The following EXT1 variants were observed in gnomAD, a reference collection of about 807,000 sequenced individuals.
EXT1 encodes the protein exostosin glycosyltransferase 1.
Under a neutral mutation model 82.5 loss-of-function variants are expected in EXT1, and 20 were observed. The observed-to-expected ratio is 0.24, with a 90% CI of 0.17 to 0.35. EXT1 has a LOEUF of 0.35. Among genes scored for constraint, EXT1 ranks in the 10% least tolerant of loss-of-function variants. The pLI is 1.00. For synonymous variants in EXT1, 348 were observed against 350.8 expected (o/e 0.99, Z 0.09); for missense variants, 757 against 936.5 (o/e 0.81, Z 2.50).
At chr8:117,856,275 G>A (rs1352468432) in intron 1 of EXT1, among the ~76,000 whole-genome samples, 1 of 150,424 alleles carries the variant, frequency 6.6e-6, no homozygotes, top group African/African-American at 2.4e-5. Flanking sequence ...TTTGTGGGGG[G>A]ACGGAGTCTC....
intron 1 of EXT1, among the ~76,000 whole-genome samples, chr8:117,949,649 T>A (rs536559800): frequency 1.3e-5 from 2 of 151,904 alleles, no homozygotes; most frequent in East Asian, 3.9e-4. Flanking sequence ...ATTTCATACA[T>A]AAGTAATAAT....
chr8:118,064,951 C>G (rs1192410028), intron 1 of EXT1, among the ~76,000 whole-genome samples: 5 of 150,086 alleles, frequency 3.3e-5, no homozygotes, highest in Non-Finnish European at 5.9e-5. Flanking sequence ...CTCCCAGATT[C>G]AAGCGATTCT....
At chr8:118,082,243 C>T (rs77069462) in intron 1 of EXT1, among the ~76,000 whole-genome samples, 30 of 152,202 alleles carry the variant, frequency 2.0e-4, no homozygotes, top group African/African-American at 6.8e-4. Context: ...GAAGTCTTAA[C>T]TGAGGCCTGT....
intron 1 of EXT1, among the ~76,000 whole-genome samples, chr8:118,091,493 C>G (rs2130000569): frequency 6.6e-6 from 1 of 152,170 alleles, no homozygotes; most frequent in Admixed American, 6.5e-5. Flanking sequence ...AATCCCAGCA[C>G]TTTGGGAGGC....
intron 1 of EXT1, among the ~76,000 whole-genome samples, chr8:117,992,080 A>G (rs944919400): frequency 6.6e-6 from 1 of 152,164 alleles, no homozygotes; most frequent in Admixed American, 6.5e-5. Flanking sequence ...TGGCTGGCAC[A>G]CAACTTTTGG....
At chr8:117,967,496 G>A (rs1255539953) in intron 1 of EXT1, among the ~76,000 whole-genome samples, 2 of 149,448 alleles carry the variant, frequency 1.3e-5, no homozygotes, top group Non-Finnish European at 3.0e-5. Context: ...TAAAAGTTCA[G>A]CACTTGAGAG....
At chr8:118,087,105 G>C (rs1817435245) in intron 1 of EXT1, among the ~76,000 whole-genome samples, 1 of 152,180 alleles carries the variant, frequency 6.6e-6, no homozygotes, top group African/African-American at 2.4e-5. Flanking sequence ...GCCCAGCGCT[G>C]GATAGAAACA....
intron 1 of EXT1, among the ~76,000 whole-genome samples, chr8:117,994,121 T>G (rs530633877): frequency 2.6e-5 from 4 of 152,348 alleles, no homozygotes; most frequent in South Asian, 2.1e-4. Context: ...AATTTAAATT[T>G]AATTGAATTT....
At chr8:118,022,314 C>A (rs966499003) in intron 1 of EXT1, among the ~76,000 whole-genome samples, 7 of 135,762 alleles carry the variant, frequency 5.2e-5, no homozygotes, top group Admixed American at 7.9e-5. Flanking sequence ...CTTGGCCGGG[C>A]GCATATATAT....
At chr8:118,012,594 G>A (rs1362487767) in intron 1 of EXT1, among the ~76,000 whole-genome samples, 2 of 152,208 alleles carry the variant, frequency 1.3e-5, no homozygotes, top group Non-Finnish European at 2.9e-5. Flanking sequence ...GAGACACCTG[G>A]CTGAAATTCC....
intron 1 of EXT1, among the ~76,000 whole-genome samples, chr8:118,073,901 G>A (rs1817154164): frequency 6.6e-6 from 1 of 152,100 alleles, no homozygotes; most frequent in African/African-American, 2.4e-5. Context: ...ACGGTCCCTT[G>A]GGACAGGCAC....
At chr8:117,999,984 A>G (rs201908090) in intron 1 of EXT1, among the ~76,000 whole-genome samples, 321 of 134,650 alleles carry the variant, frequency 2.4e-3, no homozygotes, top group African/African-American at 8.9e-3. Context: ...GTGTGTGTGT[A>G]TATATATATC....
At chr8:117,987,152 T>G (rs1168014308) in intron 1 of EXT1, among the ~76,000 whole-genome samples, 1 of 152,192 alleles carries the variant, frequency 6.6e-6, no homozygotes, top group Admixed American at 6.5e-5. Flanking sequence ...AAATTCCTTA[T>G]GGGAGTTGGA....
chr8:117,864,574 C>A (rs1376114874), intron 1 of EXT1, among the ~76,000 whole-genome samples: 1 of 152,006 alleles, frequency 6.6e-6, no homozygotes, highest in Non-Finnish European at 1.5e-5. Flanking sequence ...ACGGTGAAAC[C>A]CCGTCTCTAC....
intron 1 of EXT1, among the ~76,000 whole-genome samples, chr8:118,015,306 G>A (rs1815980881): frequency 1.3e-5 from 2 of 152,164 alleles, no homozygotes; most frequent in Admixed American, 6.5e-5. Context: ...GAGAGAGGGG[G>A]TAATGTTTAA....
intron 1 of EXT1, among the ~76,000 whole-genome samples, chr8:117,918,305 C>A (rs1813792556): frequency 6.6e-6 from 1 of 152,188 alleles, no homozygotes; most frequent in Non-Finnish European, 1.5e-5. Flanking sequence ...CTGTGAGTAT[C>A]ATTAGGAATA....
intron 1 of EXT1, among the ~76,000 whole-genome samples, chr8:118,018,377 G>A (rs1332825681): frequency 6.6e-6 from 1 of 152,144 alleles, no homozygotes; most frequent in Non-Finnish European, 1.5e-5. Context: ...TCAGGATGAT[G>A]TTTCTATAAA....
chr8:117,809,356 G>T (rs1823285956), intron 8 of EXT1, among the ~76,000 whole-genome samples: 2 of 151,328 alleles, frequency 1.3e-5, no homozygotes, highest in South Asian at 2.1e-4. Flanking sequence ...TCCACACGGG[G>T]CCAGGCACAG....
intron 1 of EXT1, among the ~76,000 whole-genome samples, chr8:117,904,439 G>A (rs1400936975): frequency 3.3e-5 from 5 of 152,078 alleles, no homozygotes; most frequent in Admixed American, 6.6e-5. Context: ...ATTACTTTAG[G>A]TAAGTCACTT....
Sources: allele counts gnomAD v4.1 joint callset (sites outside exome capture counted in the v4.1 genomes callset), GRCh38; gene constraint gnomAD v4.1.1; transcripts MANE v1.5; gene names NCBI Gene and HGNC (gene_info 2026-07-23, HGNC 2026-07-21).